Variants in ZBBX observed in about 807,000 individuals in gnomAD.
ZBBX encodes the protein zinc finger B-box domain-containing protein 1.
A neutral mutation model predicts 108.5 loss-of-function variants in ZBBX; 101 were observed. The ratio of observed to expected loss-of-function variants is 0.93; its 90% CI spans 0.79 to 1.10. The LOEUF is 1.10. ZBBX is among the 50% of genes least tolerant of loss of function. ZBBX has a pLI of 0.00. For missense variants in ZBBX, 1,009 were observed against 941.4 expected (o/e 1.07, Z -0.94); for synonymous variants, 356 against 323.4 (o/e 1.10, Z -1.08).
chr3:167,271,046 G>C (rs1028504603), intron 20 of ZBBX, among the ~76,000 whole-genome samples: 1 of 152,226 alleles, frequency 6.6e-6, no homozygotes, highest in Admixed American at 6.5e-5. Flanking sequence ...AACTCTTGAA[G>C]AAATAGAGTC....
chr3:167,301,820 A>G (rs373643501), intron 17 of ZBBX, among the ~76,000 whole-genome samples: 8 of 151,946 alleles, frequency 5.3e-5, no homozygotes, highest in African/African-American at 1.9e-4. Flanking sequence ...AGCCAGGCGT[A>G]CTGGTGGGCG....
chr3:167,282,238 C>A lies in ZBBX; in HGVS notation c.2254G>T (p.Asp752Tyr), dbSNP rs1728941877. The A allele has an allele frequency of 1.2e-6, 2 of 1,606,272 alleles. No individual in the cohort carries two copies. The highest frequency in any genetic ancestry group is 2.7e-5 in the African/African-American group (2 of 74,582). ...AAAGTGAAAAAAAAAATAGGATTAC[C>A]TGCAAGAGATCTCAGCACTTGTAAT... is the stretch of plus-strand genomic sequence containing the variant. The part of the protein sequence containing the change: ...KELQVLRSLA[D>Y]TSEKLYSLTS... Residue 752 changes from aspartate (D) to tyrosine (Y), a missense_variant and splice_region_variant, in exon 20 of 22, where the codon GAT becomes TAT. Transcript: ENST00000675490.
At chr3:167,324,285 T>C (rs572775526) in intron 11 of ZBBX, among the ~76,000 whole-genome samples, 1 of 152,182 alleles carries the variant, frequency 6.6e-6, no homozygotes, top group African/African-American at 2.4e-5. Flanking sequence ...GCTAGGACTA[T>C]AGGTTCACAT....
intron 1 of ZBBX, among the ~76,000 whole-genome samples, chr3:167,385,992 G>A (rs2108634728): frequency 6.6e-6 from 1 of 152,122 alleles, no homozygotes; most frequent in East Asian, 1.9e-4. Context: ...GTTTCATTAT[G>A]TGACCCAACC....
the ZBBX span, among the ~76,000 whole-genome samples, chr3:167,215,838 T>A: frequency 3.9e-5 from 6 of 152,076 alleles, no homozygotes; most frequent in South Asian, 1.2e-3. Context: ...CAAAAATCAA[T>A]AAGTATGATT....
intron 8 of ZBBX, among the ~76,000 whole-genome samples, chr3:167,353,375 T>C (rs1287341909): frequency 6.6e-6 from 1 of 151,990 alleles, no homozygotes; most frequent in Non-Finnish European, 1.5e-5. Flanking sequence ...TTATCCTAAG[T>C]GAAATAACTC....
chr3:167,211,179 A>G, the ZBBX span, among the ~76,000 whole-genome samples: 1 of 152,190 alleles, frequency 6.6e-6, no homozygotes, highest in African/African-American at 2.4e-5. Flanking sequence ...CCAGCCCAGG[A>G]AAGTGGTAAG....
intron 11 of ZBBX, among the ~76,000 whole-genome samples, chr3:167,325,429 C>A (rs1282151450): frequency 6.6e-6 from 1 of 152,050 alleles, no homozygotes; most frequent in Non-Finnish European, 1.5e-5. Context: ...TTCACTATCA[C>A]GAGAACAGCA....
intron 16 of ZBBX, among the ~76,000 whole-genome samples, chr3:167,311,796 T>C (rs937630598): frequency 2.6e-5 from 4 of 152,108 alleles, no homozygotes; most frequent in Non-Finnish European, 5.9e-5. Context: ...ATGGTGAGGA[T>C]ATGGAGTAAC....
At chr3:167,274,561 C>G (rs776766916) in intron 20 of ZBBX, among the ~76,000 whole-genome samples, 19 of 152,156 alleles carry the variant, frequency 1.2e-4, no homozygotes, top group Non-Finnish European at 1.9e-4. Context: ...AAAGGTTTAG[C>G]CTGTTAACTT....
At chr3:167,226,053 T>TA in the ZBBX span, among the ~76,000 whole-genome samples, 1 of 141,538 alleles carries the variant, frequency 7.1e-6, no homozygotes, top group African/African-American at 2.6e-5. Flanking sequence ...TGCACAACTA[T>TA]AAATAGTAGC....
intron 19 of ZBBX, among the ~76,000 whole-genome samples, chr3:167,284,949 G>T (rs1180878911): frequency 2.0e-5 from 3 of 151,532 alleles, no homozygotes; most frequent in Non-Finnish European, 2.9e-5. Context: ...ATGATTGAGG[G>T]GATCATTCCA....
intron 16 of ZBBX, among the ~76,000 whole-genome samples, chr3:167,309,278 C>G (rs1009559008): frequency 1.3e-5 from 2 of 152,172 alleles, no homozygotes; most frequent in Admixed American, 6.5e-5. Flanking sequence ...ATGGTGCAAG[C>G]TGTCAGTGGA....
rs757171286 is a variant in ZBBX at position 167,327,955 on chromosome 3, A to C, written c.849T>G (p.His283Gln). ...AAAAAGCCATACCTTTTACTGCTGC[A>C]TGTAAATTCTGTTTCTTGTTGTCAT... is the stretch of plus-strand genomic sequence containing the variant. ...NHDDNKKQNL[H>Q]AAVKDSLEEC... The change falls in exon 11 of 22, where the codon CAT becomes CAG. Residue 283 changes from histidine (H) to glutamine (Q), a missense_variant. His to Gln is a conservative substitution (Grantham distance 24, BLOSUM62 0). Transcript: ENST00000675490. 1.3e-6 allele frequency: 2 copies of C among 1,541,612 alleles called. No individual in the cohort carries two copies. The highest frequency in any genetic ancestry group is 1.8e-5 in the Admixed American group (1 of 55,568).
intron 1 of ZBBX, among the ~76,000 whole-genome samples, chr3:167,399,943 CTG>C (rs1194049551): frequency 6.6e-6 from 1 of 152,078 alleles, no homozygotes; most frequent in Non-Finnish European, 1.5e-5. Context: ...TCACCTATAA[CTG>C]TGAATATTCA....
At chr3:167,357,449 A>T (rs1743763655) in intron 8 of ZBBX, among the ~76,000 whole-genome samples, 3 of 152,128 alleles carry the variant, frequency 2.0e-5, no homozygotes, top group Admixed American at 2.0e-4. Flanking sequence ...TGGAGACCCA[A>T]GACTGAATGG....
At chr3:167,396,440 G>A (rs1039482948) in intron 1 of ZBBX, among the ~76,000 whole-genome samples, 2 of 152,158 alleles carry the variant, frequency 1.3e-5, no homozygotes, top group Admixed American at 6.5e-5. Flanking sequence ...CTGTAGCCAT[G>A]TGTAGCAACA....
chr3:167,315,367 ACT>A (rs1481385148), intron 15 of ZBBX, among the ~76,000 whole-genome samples: 7 of 152,164 alleles, frequency 4.6e-5, no homozygotes, highest in Non-Finnish European at 1.0e-4. Context: ...CATTTATAAA[ACT>A]TTTTATTTAG....
intron 16 of ZBBX, among the ~76,000 whole-genome samples, chr3:167,308,194 A>G (rs992143354): frequency 9.2e-5 from 14 of 152,200 alleles, no homozygotes; most frequent in African/African-American, 3.4e-4. Flanking sequence ...TGTGACCACA[A>G]TCCTATAAGA....
Sources: gnomAD v4.1 joint callset for allele counts (sites outside exome capture counted in the v4.1 genomes callset) on GRCh38, gnomAD v4.1.1 for gene constraint, MANE v1.5 for transcripts, NCBI Gene and HGNC (gene_info 2026-07-23, HGNC 2026-07-21) for gene names.